The following BIN3 variants were observed in gnomAD, a reference collection of about 807,000 sequenced individuals.
BIN3 encodes the protein bridging integrator 3.
BIN3 carries 41 observed loss-of-function variants against 38.2 expected under a neutral mutation model. The ratio of observed to expected loss-of-function variants is 1.07; its 90% CI spans 0.84 to 1.39. BIN3 has a LOEUF of 1.39. Ranked by LOEUF, BIN3 falls within the 40% of genes most tolerant of loss-of-function variation. BIN3 has a pLI of 0.00. For synonymous variants in BIN3, 145 were observed against 122.6 expected (o/e 1.18, Z -1.21); for missense variants, 361 against 324.3 (o/e 1.11, Z -0.87).
At chr8:22,659,432 T>A (rs926111977) in intron 1 of BIN3, among the ~76,000 whole-genome samples, 3 of 152,228 alleles carry the variant, frequency 2.0e-5, no homozygotes, top group African/African-American at 7.2e-5. Context: ...CAGAACAATC[T>A]TCCAGCTCAG....
chr8:22,663,270 T>C (rs1033980655), intron 1 of BIN3, among the ~76,000 whole-genome samples: 5 of 151,654 alleles, frequency 3.3e-5, no homozygotes, highest in African/African-American at 1.2e-4. Flanking sequence ...TGAGTTGTGT[T>C]CAAAAAATTG....
At chr8:22,636,259 G>GAAGCTTCCACCAGC (rs1361852599) in intron 4 of BIN3, among the ~76,000 whole-genome samples, 9 of 152,212 alleles carry the variant, frequency 5.9e-5, no homozygotes, top group Non-Finnish European at 2.9e-5. Flanking sequence ...TCTGCTACCA[G>GAAGCTTCCACCAGC]AAGCTTCCAC....
chr8:22,659,356 C>T (rs977043640), intron 1 of BIN3, among the ~76,000 whole-genome samples: 26 of 152,114 alleles, frequency 1.7e-4, no homozygotes, highest in African/African-American at 5.1e-4. Context: ...GCCAACAGTC[C>T]GAGGAGGTAT....
At chr8:22,667,550 G>A (rs891916333) in intron 1 of BIN3, among the ~76,000 whole-genome samples, 19 of 152,188 alleles carry the variant, frequency 1.2e-4, no homozygotes, top group African/African-American at 3.9e-4. Context: ...TTGCAAGACT[G>A]GGGGGCCCAG....
intron 1 of BIN3, among the ~76,000 whole-genome samples, chr8:22,668,447 G>A (rs1168911242): frequency 6.6e-6 from 1 of 152,186 alleles, no homozygotes; most frequent in East Asian, 1.9e-4. Flanking sequence ...CTATTTAGAG[G>A]GCAGGCAGTG....
chr8:22,668,982 C>T, intron 1 of BIN3, 62 bp downstream of exon 1: 1 of 1,552,442 alleles, frequency 6.4e-7, no homozygotes, highest in South Asian at 1.2e-5. Flanking sequence ...GGCACTGACA[C>T]AGGGCCAGGG....
chr8:22,660,751 T>C (rs910719534), intron 1 of BIN3, among the ~76,000 whole-genome samples: 19 of 152,230 alleles, frequency 1.2e-4, no homozygotes, highest in Non-Finnish European at 2.4e-4. Context: ...TACTCATGTA[T>C]CCACCACTTG....
intron 2 of BIN3, among the ~76,000 whole-genome samples, chr8:22,640,972 G>C (rs1433328385): frequency 1.3e-5 from 2 of 152,180 alleles, no homozygotes; most frequent in Non-Finnish European, 2.9e-5. Context: ...CCAGCGGCCG[G>C]GGTGGGTTGC....
At chr8:22,646,665 A>C (rs2117562872) in intron 1 of BIN3, among the ~76,000 whole-genome samples, 1 of 152,338 alleles carries the variant, frequency 6.6e-6, no homozygotes, top group Non-Finnish European at 1.5e-5. Flanking sequence ...AATTCTGACT[A>C]CATAATAACC....
chr8:22,637,807 T>G (rs1014777), intron 2 of BIN3, among the ~76,000 whole-genome samples: 1,892 of 152,260 alleles, frequency 0.012, 30 homozygotes, highest in East Asian at 0.062. Flanking sequence ...AGCCGTCAGG[T>G]GCCAGCTTCG....
chr8:22,663,432 G>A (rs1304414325), intron 1 of BIN3, among the ~76,000 whole-genome samples: 2 of 104,552 alleles, frequency 1.9e-5, no homozygotes, highest in African/African-American at 4.0e-5. Flanking sequence ...GAGACCCCCC[G>A]ATTTGTTTAA....
chr8:22,621,584 G>A lies in BIN3; in HGVS notation c.616-16C>T, dbSNP rs749055850. 1.9e-6 allele frequency: 3 copies of A among 1,582,918 alleles called. No individual in the cohort carries two copies. The highest frequency in any genetic ancestry group is 2.9e-5 in the African/African-American group (2 of 69,000). On this transcript the variant is annotated splice_polypyrimidine_tract_variant and intron_variant, in intron 8 of 8. Coordinates refer to ENST00000276416, the MANE Select transcript of BIN3 (RefSeq NM_018688.6). The stretch of plus-strand genomic sequence containing the variant: ...AGTACACAACCTGGGGGAGGCGACA[G>A]GGGTTGGCACGTGCTGGCTCCAGGG...
intron 1 of BIN3, among the ~76,000 whole-genome samples, chr8:22,645,060 T>C (rs979011042): frequency 1.3e-5 from 2 of 151,970 alleles, no homozygotes; most frequent in African/African-American, 4.8e-5. Context: ...TGATAGTCTG[T>C]CATTTAAAGA....
At chr8:22,643,830 C>A (rs997299103) in intron 2 of BIN3, among the ~76,000 whole-genome samples, 1 of 152,340 alleles carries the variant, frequency 6.6e-6, no homozygotes, top group South Asian at 2.1e-4. Flanking sequence ...AGCACAGCAC[C>A]GGACTTCCTG....
intron 4 of BIN3, among the ~76,000 whole-genome samples, chr8:22,633,569 A>C (rs1308061241): frequency 6.6e-6 from 1 of 152,236 alleles, no homozygotes; most frequent in East Asian, 1.9e-4. Context: ...TTTCTGAAAG[A>C]AAGGTCATCT....
At position 22,630,443 on chromosome 8, in the gene BIN3, T is replaced by G. The variant is rs1802155386; in HGVS notation, c.296A>C (p.Lys99Thr). Reference protein sequence around the residue: ...MKRMDAFNQEKVNQIQKTVIE... With the variant: ...MKRMDAFNQETVNQIQKTVIE... ...CACCCCACACCAAGACCTAGTCACC[T>G]TTTCCTGATTGAAGGCATCCATCCG... Residue 99 changes from lysine (K) to threonine (T), a missense_variant and splice_region_variant, in exon 5 of 9, where the codon AAG becomes ACG. By Grantham distance (78) the Lys-to-Thr change is moderately conservative. Transcript: ENST00000276416. The G allele has an allele frequency of 1.2e-6, 2 of 1,613,766 alleles. No individual in the cohort carries two copies. Among genetic ancestry groups the G allele is most frequent in the Non-Finnish European group, 1.7e-6 (2 of 1,179,752 alleles).
chr8:22,654,055 C>T (rs1332337543), intron 1 of BIN3, among the ~76,000 whole-genome samples: 1 of 152,204 alleles, frequency 6.6e-6, no homozygotes, highest in African/African-American at 2.4e-5. Flanking sequence ...TCTAGAGGTA[C>T]TTAGTACCAA....
intron 4 of BIN3, among the ~76,000 whole-genome samples, chr8:22,631,584 G>A (rs954842835): frequency 2.0e-5 from 3 of 152,226 alleles, no homozygotes; most frequent in African/African-American, 4.8e-5. Context: ...TGCGCCAGCC[G>A]GGCCCTGACC....
chr8:22,668,188 A>G (rs1264946957), intron 1 of BIN3, among the ~76,000 whole-genome samples: 1 of 152,202 alleles, frequency 6.6e-6, no homozygotes, highest in Non-Finnish European at 1.5e-5. Flanking sequence ...CTAACCTCTA[A>G]GAAAGCCCCA....
Sources: allele counts gnomAD v4.1 joint callset (sites outside exome capture counted in the v4.1 genomes callset), GRCh38; gene constraint gnomAD v4.1.1; transcripts MANE v1.5; gene names NCBI Gene and HGNC (gene_info 2026-07-23, HGNC 2026-07-21).